The following GTF2B variants were observed in gnomAD, a reference collection of about 807,000 sequenced individuals.
The protein encoded by GTF2B is general transcription factor IIB.
Under a neutral mutation model 34.6 loss-of-function variants are expected in GTF2B, and 20 were observed. That is an observed-to-expected ratio of 0.58 (90% CI 0.41 to 0.84). The LOEUF (loss-of-function observed/expected upper bound fraction) is 0.84, where lower values mean the gene tolerates loss of function less well. Ranked by LOEUF, GTF2B falls within the 40% of genes least tolerant of loss-of-function variation. The probability of loss-of-function intolerance (pLI) is 0.00; values close to 1 mark genes in which losing one functional copy is unlikely to be tolerated. For missense variants in GTF2B, 237 were observed against 393.3 expected, an observed-to-expected ratio of 0.60 and a Z score of 3.36; for synonymous variants, 142 against 132.4, an observed-to-expected ratio of 1.07 and a Z score of -0.50.
intron 6 of GTF2B, among the ~76,000 whole-genome samples, chr1:88,855,509 T>C (rs191044390): frequency 2.7e-4 from 41 of 152,152 alleles, no homozygotes; most frequent in Admixed American, 6.5e-4. Context: ...TGCACCACCA[T>C]GCTGGGCTGA....
intron 2 of GTF2B, among the ~76,000 whole-genome samples, chr1:88,870,896 C>CTTTTTTT (rs1022965980): frequency 9.2e-5 from 10 of 109,190 alleles, no homozygotes; most frequent in African/African-American, 1.1e-4. Context: ...CTTACACAGT[C>CTTTTTTT]TTTTTTTTTT....
intron 6 of GTF2B, among the ~76,000 whole-genome samples, chr1:88,856,506 T>C (rs1475525152): frequency 6.6e-6 from 1 of 152,074 alleles, no homozygotes; most frequent in African/African-American, 2.4e-5. Flanking sequence ...ACAGTGTGTC[T>C]ATCTGTAGAA....
intron 6 of GTF2B, among the ~76,000 whole-genome samples, chr1:88,854,742 T>TGCC (rs1226759601): frequency 3.3e-5 from 5 of 152,312 alleles, no homozygotes; most frequent in Admixed American, 6.5e-5. Context: ...GTGATCCACC[T>TGCC]GCCTCAGCCT....
At chr1:88,886,858 T>C (rs989052630) in intron 2 of GTF2B, among the ~76,000 whole-genome samples, 7 of 152,244 alleles carry the variant, frequency 4.6e-5, no homozygotes, top group Non-Finnish European at 8.8e-5. Flanking sequence ...AAGTCAAAAA[T>C]GTGTTCATTA....
At chr1:88,881,008 C>CA (rs57528139) in intron 2 of GTF2B, among the ~76,000 whole-genome samples, 4,583 of 92,646 alleles carry the variant, frequency 0.049, 211 homozygotes, top group African/African-American at 0.095. Context: ...GATGCTGTCT[C>CA]AAAAAAAAAA....
intron 2 of GTF2B, among the ~76,000 whole-genome samples, chr1:88,871,530 C>T (rs1053018618): frequency 3.3e-5 from 5 of 152,116 alleles, no homozygotes; most frequent in African/African-American, 1.2e-4. Flanking sequence ...AACATTTCCA[C>T]TCACATGCCA....
At chr1:88,870,896 CTTTTTTTTT>C (rs1022965980) in intron 2 of GTF2B, among the ~76,000 whole-genome samples, 1 of 109,186 alleles carries the variant, frequency 9.2e-6, no homozygotes, top group African/African-American at 3.8e-5. Context: ...CTTACACAGT[CTTTTTTTTT>C]TTTTTTTTTT....
At chr1:88,887,692 C>A in intron 1 of GTF2B, 1 of 268,588 alleles carries the variant, frequency 3.7e-6, no homozygotes, top group South Asian at 3.6e-5. Flanking sequence ...GACTAGTTAC[C>A]GTAATAACCT....
Position 88,860,028 on chromosome 1 carries a change from C to A in GTF2B, c.406-17G>T. On this transcript the variant is annotated splice_polypyrimidine_tract_variant and intron_variant, in intron 4 of 6. Coordinates refer to ENST00000370500, the MANE Select transcript of GTF2B (RefSeq NM_001514.6). ...TGTTCGATCCTTCAAAGCAGAGAAACTAAGTTTAACTCTACGTCATTTAAT... is the reference window on the plus strand; with the variant it reads ...TGTTCGATCCTTCAAAGCAGAGAAAATAAGTTTAACTCTACGTCATTTAAT... The A allele has an allele frequency of 3.7e-6, 6 of 1,612,850 alleles. No individual in the cohort carries two copies. The South Asian group carries it at 6.6e-5, about 18-fold the overall frequency.
intron 2 of GTF2B, among the ~76,000 whole-genome samples, chr1:88,867,283 T>C (rs1293695723): frequency 6.6e-6 from 1 of 152,216 alleles, no homozygotes; most frequent in Non-Finnish European, 1.5e-5. Flanking sequence ...TGCACCTACG[T>C]TTTCCTAAAA....
intron 1 of GTF2B, 185 bp from the exon 2 acceptor site, chr1:88,887,552 T>C (rs1052059266): frequency 1.9e-6 from 1 of 517,168 alleles, no homozygotes; most frequent in Non-Finnish European, 3.5e-6. Context: ...AGCTAGTAAC[T>C]GGCAAGTAGT....
chr1:88,874,052 A>G (rs1007422264), intron 2 of GTF2B, among the ~76,000 whole-genome samples: 3 of 152,320 alleles, frequency 2.0e-5, no homozygotes, highest in Middle Eastern at 3.4e-3. Context: ...ACTCTGCCTC[A>G]TATTCTGAAG....
Position 88,863,969 on chromosome 1 carries a change from T to C in GTF2B, c.258+12A>G, listed in dbSNP as rs2100966744. 6.2e-7 allele frequency: 1 copy of C among 1,612,978 alleles called. No individual in the cohort carries two copies. On this transcript the variant is annotated intron_variant, in intron 3 of 6. Transcript: ENST00000370500. ...TCTGCAATTGGTATTTCCTGCCAAATGGACTTATTACCTTGCCAATCATGG... is the reference window on the plus strand; with the variant it reads ...TCTGCAATTGGTATTTCCTGCCAAACGGACTTATTACCTTGCCAATCATGG...
At chr1:88,862,644 T>G (rs2100965832) in intron 3 of GTF2B, among the ~76,000 whole-genome samples, 1 of 152,030 alleles carries the variant, frequency 6.6e-6, no homozygotes, top group South Asian at 2.1e-4. Flanking sequence ...GACCAGGAGT[T>G]CAAGACCTGC....
intron 2 of GTF2B, among the ~76,000 whole-genome samples, chr1:88,883,632 A>T (rs574930173): frequency 6.6e-6 from 1 of 152,200 alleles, no homozygotes; most frequent in South Asian, 2.1e-4. Flanking sequence ...ACTGCACTCC[A>T]GCCTGAGAAA....
intron 2 of GTF2B, among the ~76,000 whole-genome samples, chr1:88,873,746 G>GA (rs975903981): frequency 2.0e-5 from 3 of 151,760 alleles, no homozygotes; most frequent in Admixed American, 6.6e-5. Flanking sequence ...CATCGGGAAG[G>GA]AAAAAAAGTA....
At chr1:88,874,682 C>T (rs181918194) in intron 2 of GTF2B, among the ~76,000 whole-genome samples, 499 of 151,944 alleles carry the variant, frequency 3.3e-3, no homozygotes, top group Non-Finnish European at 5.8e-3. Flanking sequence ...AGGAATTTCC[C>T]AGAATTTCAA....
rs141189130 is a variant in GTF2B, at chr1:88,862,110, A to G, written c.259-1824T>C. Among the ~76,000 whole-genome samples, 274 of 152,332 alleles carry G rather than the reference A, an allele frequency of 1.8e-3. 4 individuals are homozygous for G. Among genetic ancestry groups the G allele is most frequent in the Admixed American group, 0.016 (251 of 15,296 alleles). ...AATGCTGAAAAAGAGCAATGAGGGA[A>G]AACTAGTGCTACTAAATACTAAAAC... On this transcript the variant is annotated intron_variant, in intron 3 of 6. Coordinates refer to ENST00000370500, the MANE Select transcript of GTF2B (RefSeq NM_001514.6).
chr1:88,866,997 T>G (rs2100968883), intron 2 of GTF2B, among the ~76,000 whole-genome samples: 1 of 152,308 alleles, frequency 6.6e-6, no homozygotes, highest in East Asian at 1.9e-4. Context: ...ATCACTAAAC[T>G]TAGGAAGCAG....
Sources: allele counts gnomAD v4.1 joint callset (sites outside exome capture counted in the v4.1 genomes callset), GRCh38; gene constraint gnomAD v4.1.1; transcripts MANE v1.5; gene names NCBI Gene and HGNC (gene_info 2026-07-23, HGNC 2026-07-21).